SLC12A2: variants seen among roughly 807,000 people sequenced by gnomAD.
The protein encoded by SLC12A2 is solute carrier family 12 member 2.
SLC12A2 carries 67 observed loss-of-function variants against 136.3 expected under a neutral mutation model. That is an observed-to-expected ratio of 0.49 (90% CI 0.40 to 0.60). SLC12A2 has a LOEUF of 0.60. Ranked by LOEUF, SLC12A2 falls within the 20% of genes least tolerant of loss-of-function variation. The probability of loss-of-function intolerance (pLI) is 0.00; values close to 1 mark genes in which losing one functional copy is unlikely to be tolerated. For synonymous variants in SLC12A2, 619 were observed against 562.9 expected (o/e 1.10, Z -1.41); for missense variants, 1,322 against 1,534.7 (o/e 0.86, Z 2.32).
chr5:128,101,957 G>A (rs1760755546), intron 1 of SLC12A2, among the ~76,000 whole-genome samples: 1 of 152,052 alleles, frequency 6.6e-6, no homozygotes, highest in Non-Finnish European at 1.5e-5. Context: ...GTCTTTTAGA[G>A]GTAATCTTAA....
chr5:128,156,110 T>C (rs536154691), intron 15 of SLC12A2, among the ~76,000 whole-genome samples: 7 of 152,138 alleles, frequency 4.6e-5, no homozygotes, highest in Non-Finnish European at 1.0e-4. Flanking sequence ...TCCATCTAGT[T>C]ACTTCTTGTG....
intron 4 of SLC12A2, among the ~76,000 whole-genome samples, chr5:128,125,697 C>T (rs1009849647): frequency 6.6e-6 from 1 of 151,642 alleles, no homozygotes; most frequent in Non-Finnish European, 1.5e-5. Context: ...TATGCTAGTG[C>T]TTTGTTCATG....
rs574730622 is a variant in SLC12A2 at position 128,166,524 on chromosome 5, G to A, written c.2617-1237G>A. The stretch of plus-strand genomic sequence containing the variant: ...ATGGAATATTATTCAGCCATAAAAA[G>A]GAATGAAGTTCTACAACATGGATTA... On this transcript the variant is annotated intron_variant, in intron 17 of 26. Transcript: ENST00000262461. Among the ~76,000 whole-genome samples, 6 of 151,944 alleles carry A rather than the reference G, an allele frequency of 3.9e-5. 1 individual carries two copies. The South Asian group carries it at 1.2e-3, about 31-fold the overall frequency.
chr5:128,135,810 T>G lies in SLC12A2; in HGVS notation c.1408+2T>G. On this transcript the variant is annotated splice_donor_variant, in intron 7 of 26. Transcript: ENST00000262461. LOFTEE classifies it high-confidence loss of function. The stretch of plus-strand genomic sequence containing the variant: ...CAAAAGGGTTTTTTGGTTATAAATG[T>G]AAGTAAAAAAGATTCAATATTTTTT... 6.6e-7 allele frequency: 1 copy of G among 1,512,370 alleles called. No homozygotes were observed. Among genetic ancestry groups the G allele is most frequent in the Non-Finnish European group, 9.2e-7 (1 of 1,091,968 alleles). The allele number at this position is 1,512,370 out of a possible 1,614,324, so 93.7% of individuals were successfully genotyped here. A position where few individuals can be genotyped will look rare whatever the true frequency, so the allele number is the denominator to read the frequency against.
intron 10 of SLC12A2, among the ~76,000 whole-genome samples, chr5:128,144,970 C>A (rs1209683938): frequency 2.6e-5 from 4 of 151,972 alleles, no homozygotes; most frequent in African/African-American, 9.7e-5. Flanking sequence ...TTTGTTTCCA[C>A]TGTATATTGT....
intron 16 of SLC12A2, among the ~76,000 whole-genome samples, chr5:128,159,606 T>C (rs971739908): frequency 1.3e-5 from 2 of 152,010 alleles, no homozygotes; most frequent in African/African-American, 4.8e-5. Context: ...GAACAGACAC[T>C]TTTCTTATGT....
chr5:128,095,757 T>C (rs1303709672), intron 1 of SLC12A2, among the ~76,000 whole-genome samples: 2 of 152,192 alleles, frequency 1.3e-5, no homozygotes, highest in African/African-American at 4.8e-5. Flanking sequence ...ATTCTTCCAG[T>C]ATGGCCAAGG....
At chr5:128,089,359 A>T (rs182812468) in intron 1 of SLC12A2, among the ~76,000 whole-genome samples, 2 of 152,100 alleles carry the variant, frequency 1.3e-5, no homozygotes, top group African/African-American at 4.8e-5. Context: ...GTGAACAGCC[A>T]CTGCGCTTCA....
At chr5:128,148,361 T>C (rs1245851676) in intron 11 of SLC12A2, among the ~76,000 whole-genome samples, 1 of 151,840 alleles carries the variant, frequency 6.6e-6, no homozygotes, top group Non-Finnish European at 1.5e-5. Context: ...AGTAATGTTT[T>C]AAGAAAGGTA....
chr5:128,135,760 T>C lies in SLC12A2; in HGVS notation c.1360T>C (p.Phe454Leu), dbSNP rs1180482330. ...TATTGGTGATTTCGTCATAGGAACA[T>C]TTATCCCACTGGAGAGCAAGAAGCC... ...LAIGDFVIGT[F>L]IPLESKKPKG... The change falls in exon 7 of 27, where the codon TTT becomes CTT. Residue 454 changes from phenylalanine (F) to leucine (L), a missense_variant. By Grantham distance (22) the Phe-to-Leu change is conservative (BLOSUM62 0). This residue lies in a region of SLC12A2 where 110 missense variants were observed against 114.5 expected (regional missense o/e 0.96). Transcript: ENST00000262461. The C allele has an allele frequency of 6.2e-7, 1 of 1,612,696 alleles. No individual in the cohort carries two copies. Among genetic ancestry groups the C allele is most frequent in the Non-Finnish European group, 8.5e-7 (1 of 1,178,930 alleles).
chr5:128,093,204 T>G lies in SLC12A2; in HGVS notation c.756+8494T>G, dbSNP rs539076686. Among the ~76,000 whole-genome samples the G allele has an allele frequency of 3.3e-5, 5 of 152,256 alleles. No homozygotes were observed. In the East Asian group the frequency reaches 9.6e-4, roughly 29 times the overall value. ...CAGCATTTGGTGTTCTTTTGAAGTG[T>G]TTTGGTCACTTCCTTGGCTTCTTAG... On this transcript the variant is annotated intron_variant, in intron 1 of 26. Transcript: ENST00000262461.
At chr5:128,117,863 A>G (rs1030486856) in intron 4 of SLC12A2, among the ~76,000 whole-genome samples, 1 of 152,198 alleles carries the variant, frequency 6.6e-6, no homozygotes, top group African/African-American at 2.4e-5. Flanking sequence ...AAGGAACTCA[A>G]ATCAGCAAGA....
chr5:128,116,419 C>G (rs760076044), intron 4 of SLC12A2, among the ~76,000 whole-genome samples: 1 of 136,526 alleles, frequency 7.3e-6, no homozygotes, highest in Admixed American at 7.9e-5. Context: ...ATATATATAT[C>G]TCTTTACAAA....
intron 4 of SLC12A2, among the ~76,000 whole-genome samples, chr5:128,130,241 G>C (rs773718258): frequency 4.3e-4 from 66 of 152,020 alleles, no homozygotes; most frequent in Non-Finnish European, 7.8e-4. Context: ...GTGAAACTCT[G>C]TCTCTACTAA....
chr5:128,167,930 C>G (rs1001087752), intron 18 of SLC12A2, 63 bp downstream of exon 18: 1 of 1,006,560 alleles, frequency 9.9e-7, no homozygotes, highest in African/African-American at 1.7e-5. Context: ...GAAAGCTTGT[C>G]CTAATTTTTG....
At chr5:128,162,116 A>T (rs1252862008) in intron 17 of SLC12A2, among the ~76,000 whole-genome samples, 1 of 152,152 alleles carries the variant, frequency 6.6e-6, no homozygotes, top group Non-Finnish European at 1.5e-5. Context: ...TTGTCTTCTG[A>T]TCCGTTTCTG....
chr5:128,157,437 C>G lies in SLC12A2; in HGVS notation c.2364-616C>G, dbSNP rs529196482. Among the ~76,000 whole-genome samples, 10 of 152,032 alleles carry G rather than the reference C, an allele frequency of 6.6e-5. No individual in the cohort carries two copies. In the East Asian group the frequency reaches 1.9e-3, roughly 29 times the overall value. On this transcript the variant is annotated intron_variant, in intron 15 of 26. Coordinates refer to ENST00000262461, the MANE Select transcript of SLC12A2 (RefSeq NM_001046.3). ...CTAGTTCAAGTAGAAATCTTTTTTT[C>G]AACATAGGTGATTTTACTCATGGGA...
At chr5:128,176,928 C>G (rs1354298941) in intron 20 of SLC12A2, among the ~76,000 whole-genome samples, 177 bp from the exon 21 acceptor site, 1 of 151,920 alleles carries the variant, frequency 6.6e-6, no homozygotes, top group Non-Finnish European at 1.5e-5. Context: ...AATATGTTTG[C>G]TTTTTAAAAG....
rs145980022 is a variant in SLC12A2 at position 128,098,549 on chromosome 5, G to T, written c.756+13839G>T. ...TTCCTGTTTATTTGGATGTCTAGCA[G>T]TTTTTTATATGGAAACTGGCCATGC... On this transcript the variant is annotated intron_variant, in intron 1 of 26. Transcript: ENST00000262461. Among the ~76,000 whole-genome samples, 669 of 151,356 alleles carry T rather than the reference G, an allele frequency of 4.4e-3. 17 individuals are homozygous for T. Among genetic ancestry groups the T allele is most frequent in the Non-Finnish European group, 1.4e-3 (95 of 67,848 alleles).
Sources: allele counts gnomAD v4.1 joint callset (sites outside exome capture counted in the v4.1 genomes callset), GRCh38; gene constraint gnomAD v4.1.1; regional missense constraint gnomAD v4.1.1; transcripts MANE v1.5; gene names NCBI Gene and HGNC (gene_info 2026-07-23, HGNC 2026-07-21).